Variants in ERG28 observed in about 807,000 individuals in gnomAD.
ERG28 encodes the protein ergosterol biosynthetic protein 28 homolog.
In ERG28, 9 loss-of-function variants were observed where a neutral mutation model predicts 15.7. The observed-to-expected ratio is 0.57, with a 90% CI of 0.35 to 1.00. The LOEUF (loss-of-function observed/expected upper bound fraction) is 1.00, where lower values mean the gene tolerates loss of function less well. Among genes scored for constraint, ERG28 ranks in the 50% least tolerant of loss-of-function variants. The pLI, the probability that ERG28 is intolerant of heterozygous loss-of-function variation, is 0.02. For synonymous variants in ERG28, 61 were observed against 68.4 expected, an observed-to-expected ratio of 0.89 and a Z score of 0.53; for missense variants, 117 against 173.3, an observed-to-expected ratio of 0.68 and a Z score of 1.82.
chr14:75,658,060 C>T (rs1356768944), intron 1 of ERG28, among the ~76,000 whole-genome samples: 1 of 152,178 alleles, frequency 6.6e-6, no homozygotes, highest in Non-Finnish European at 1.5e-5. Context: ...AAGCCCATCA[C>T]GGACTGAACA....
chr14:75,659,704 C>T (rs762016736), intron 1 of ERG28, among the ~76,000 whole-genome samples: 1 of 151,912 alleles, frequency 6.6e-6, no homozygotes, highest in Non-Finnish European at 1.5e-5. Flanking sequence ...TTTCTTGGTC[C>T]ACGGTTTATC....
At chr14:75,654,152 C>T (rs73307509) in intron 3 of ERG28, among the ~76,000 whole-genome samples, 22,901 of 152,156 alleles carry the variant, frequency 0.15, 2,323 homozygotes, top group East Asian at 0.49. Flanking sequence ...AAGAGGGGCT[C>T]AATAAATATT....
At chr14:75,659,867 GCCCC>G (rs10716402) in intron 1 of ERG28, among the ~76,000 whole-genome samples, 1 of 144,248 alleles carries the variant, frequency 6.9e-6, no homozygotes, top group Non-Finnish European at 1.5e-5. Context: ...AAACACCGCC[GCCCC>G]CCCCCGCCAA....
chr14:75,659,866 CG>C (rs1890655806), intron 1 of ERG28, among the ~76,000 whole-genome samples: 2 of 27,586 alleles, frequency 7.3e-5, no homozygotes, highest in East Asian at 1.7e-3. Flanking sequence ...GAAACACCGC[CG>C]CCCCCCCCCG....
At chr14:75,654,277 TAG>T (rs1443732280) in intron 3 of ERG28, among the ~76,000 whole-genome samples, 4 of 152,234 alleles carry the variant, frequency 2.6e-5, no homozygotes, top group Admixed American at 6.5e-5. Context: ...TGTTTCCACC[TAG>T]AGTGTGATGA....
Position 75,651,030 on chromosome 14 carries a change from C to T in ERG28, c.*525G>A, listed in dbSNP as rs557179728. Reference sequence around the variant, plus strand: ...GGAGAGCTGTGGTCTTGCTCACACACAGGGGAGCCCTTCTTAGAAGAACTG... The same window carrying T: ...GGAGAGCTGTGGTCTTGCTCACACATAGGGGAGCCCTTCTTAGAAGAACTG... On this transcript the variant is annotated 3_prime_UTR_variant, in exon 5 of 5. Transcript: ENST00000256319. The T allele has an allele frequency of 3.6e-3, 553 of 154,946 alleles. 2 individuals are homozygous for T. The highest frequency in any genetic ancestry group is 5.8e-3 in the Non-Finnish European group (406 of 69,450). The allele number at this position is 154,946 out of a possible 1,614,324, so 9.6% of individuals were successfully genotyped here. A position where few individuals can be genotyped will look rare whatever the true frequency, so the allele number is the denominator to read the frequency against.
intron 2 of ERG28, among the ~76,000 whole-genome samples, chr14:75,655,471 A>G (rs981086989): frequency 6.6e-6 from 1 of 152,188 alleles, no homozygotes; most frequent in African/African-American, 2.4e-5. Flanking sequence ...CTCTTCCTGC[A>G]TCCAGATCTA....
chr14:75,654,936 C>G lies in ERG28; in HGVS notation c.174G>C (p.Leu58=). Residue 58 remains leucine (L), a synonymous_variant, in exon 3 of 5, where the codon CTG becomes CTC. Coordinates refer to ENST00000256319, the MANE Select transcript of ERG28 (RefSeq NM_007176.4). Reference sequence around the variant, plus strand: ...AGAGGCAGCGAATCACTGATGAGAGCAGCGTCCAGATCCCAAAGGTCCGAG... The same window carrying G: ...AGAGGCAGCGAATCACTGATGAGAGGAGCGTCCAGATCCCAAAGGTCCGAG... The part of the protein sequence containing the change: ...LQARTFGIWT[L]LSSVIRCLCA... 1 of 1,614,118 alleles carries G rather than the reference C, an allele frequency of 6.2e-7. No homozygotes were observed. The highest frequency in any genetic ancestry group is 8.5e-7 in the Non-Finnish European group (1 of 1,179,970).
chr14:75,652,910 G>A (rs1480325571), intron 3 of ERG28, among the ~76,000 whole-genome samples: 7 of 134,080 alleles, frequency 5.2e-5, no homozygotes, highest in South Asian at 2.5e-4. Context: ...TGCAACCTCC[G>A]CCTCTTGGGT....
At chr14:75,654,860 C>G in intron 3 of ERG28, 26 bp downstream of exon 3, 1 of 1,588,870 alleles carries the variant, frequency 6.3e-7, no homozygotes, top group Non-Finnish European at 8.6e-7. Flanking sequence ...CAAAAGGATG[C>G]TAAAGCTCTT....
Position 75,653,693 on chromosome 14 carries a change from C to T in ERG28, c.224+1193G>A, listed in dbSNP as rs983188026. ...CAAAAGATATATCCCTCATACTCATCAGCAATTCTTCATTGTGGTACAGGT... is the reference window on the plus strand; with the variant it reads ...CAAAAGATATATCCCTCATACTCATTAGCAATTCTTCATTGTGGTACAGGT... On this transcript the variant is annotated intron_variant, in intron 3 of 4. Coordinates refer to ENST00000256319, the MANE Select transcript of ERG28 (RefSeq NM_007176.4). Among the ~76,000 whole-genome samples, 5 of 152,044 alleles carry T rather than the reference C, an allele frequency of 3.3e-5. No homozygotes were observed. The South Asian group carries it at 1.0e-3, about 32-fold the overall frequency.
chr14:75,659,519 C>G (rs972183181), intron 1 of ERG28, among the ~76,000 whole-genome samples: 7 of 151,322 alleles, frequency 4.6e-5, no homozygotes, highest in African/African-American at 1.7e-4. Flanking sequence ...CTTGGCCTCG[C>G]CTCCCAAATG....
Position 75,651,137 on chromosome 14 carries a change from C to G in ERG28, c.*418G>C, listed in dbSNP as rs1236856908. ...GCGTGGACAACCCCTTGAGGCAGCC[C>G]TTGGTCACAGCTGCTCTGGGTGGGC... is the stretch of plus-strand genomic sequence containing the variant. On this transcript the variant is annotated 3_prime_UTR_variant, in exon 5 of 5. Coordinates refer to ENST00000256319, the MANE Select transcript of ERG28 (RefSeq NM_007176.4). The G allele has an allele frequency of 6.1e-6, 1 of 162,606 alleles. No homozygotes were observed. Among genetic ancestry groups the G allele is most frequent in the African/African-American group, 2.4e-5 (1 of 41,502 alleles). 10.1% of individuals were successfully genotyped at this position (162,606 alleles called of 1,614,324 possible). A position where few individuals can be genotyped will look rare whatever the true frequency, so the allele number is the denominator to read the frequency against.
At position 75,649,806 on chromosome 14, in the gene ERG28, C is replaced by T. The variant is rs1890499659; in HGVS notation, c.*1749G>A. The T allele has an allele frequency of 1.3e-5, 2 of 152,232 alleles. No homozygotes were observed. The highest frequency in any genetic ancestry group is 4.1e-4 in the South Asian group (2 of 4,826). The allele number at this position is 152,232 out of a possible 1,614,324, so 9.4% of individuals were successfully genotyped here. On this transcript the variant is annotated 3_prime_UTR_variant, in exon 5 of 5. Transcript: ENST00000256319. The stretch of plus-strand genomic sequence containing the variant: ...CCTTTTCTTTCACTTCCTAACTCTT[C>T]ACCATGCTGTGATTACATAGTTCTT...
chr14:75,654,955 G>A lies in ERG28; in HGVS notation c.155C>T (p.Thr52Ile). ...TGAGAGCAGCGTCCAGATCCCAAAGGTCCGAGCTTGGAGGCCATTCACTGT... is the reference window on the plus strand; with the variant it reads ...TGAGAGCAGCGTCCAGATCCCAAAGATCCGAGCTTGGAGGCCATTCACTGT... ...PNLVNGLQAR[T>I]FGIWTLLSSV... is the part of the protein sequence containing the mutation. The change falls in exon 3 of 5, where the codon ACC (threonine) becomes ATC (isoleucine). Residue 52 changes from threonine to isoleucine, a missense_variant. Physicochemically the swap from Thr to Ile is moderately conservative, Grantham distance 89. Coordinates refer to ENST00000256319, the MANE Select transcript of ERG28 (RefSeq NM_007176.4). 1 of 1,614,054 alleles carries A rather than the reference G, an allele frequency of 6.2e-7. No homozygotes were observed. The highest frequency in any genetic ancestry group is 1.3e-5 in the African/African-American group (1 of 75,030).
At position 75,649,965 on chromosome 14, in the gene ERG28, T is replaced by C. The variant is rs1425009119; in HGVS notation, c.*1590A>G. ...ATCCCACCTCTTAGCCTGGACAACA[T>C]AGTAAGACCCCATCTCTTCCCACCC... is the stretch of plus-strand genomic sequence containing the variant. On this transcript the variant is annotated 3_prime_UTR_variant, in exon 5 of 5. Coordinates refer to ENST00000256319, the MANE Select transcript of ERG28 (RefSeq NM_007176.4). 1 of 152,202 alleles carries C rather than the reference T, an allele frequency of 6.6e-6. No homozygotes were observed. The highest frequency in any genetic ancestry group is 2.4e-5 in the African/African-American group (1 of 41,408). 9.4% of individuals were successfully genotyped at this position (152,202 alleles called of 1,614,324 possible). A position where few individuals can be genotyped will look rare whatever the true frequency, so the allele number is the denominator to read the frequency against.
intron 3 of ERG28, among the ~76,000 whole-genome samples, chr14:75,653,162 T>A (rs185464937): frequency 6.6e-5 from 10 of 152,190 alleles, no homozygotes; most frequent in African/African-American, 2.4e-4. Context: ...TGACTTTCAG[T>A]CTCTAGTTAG....
chr14:75,653,117 G>T (rs1011502908), intron 3 of ERG28, among the ~76,000 whole-genome samples: 1 of 151,852 alleles, frequency 6.6e-6, no homozygotes, highest in Non-Finnish European at 1.5e-5. Context: ...AGCCACCCGC[G>T]CCTGGCCCAT....
At chr14:75,659,468 C>G in intron 1 of ERG28, among the ~76,000 whole-genome samples, 1 of 151,982 alleles carries the variant, frequency 6.6e-6, no homozygotes, top group East Asian at 1.9e-4. Flanking sequence ...AGTGATCCTC[C>G]TACCTCAACC....
Sources: allele counts gnomAD v4.1 joint callset (sites outside exome capture counted in the v4.1 genomes callset), GRCh38; gene constraint gnomAD v4.1.1; transcripts MANE v1.5; gene names NCBI Gene and HGNC (gene_info 2026-07-23, HGNC 2026-07-21).